Variants in PLOD3 observed in about 807,000 individuals in gnomAD.
PLOD3 encodes procollagen-lysine,2-oxoglutarate 5-dioxygenase 3.
Under a neutral mutation model 96.9 loss-of-function variants are expected in PLOD3, and 73 were observed. The ratio of observed to expected loss-of-function variants is 0.75; its 90% confidence interval spans 0.62 to 0.92. The LOEUF (loss-of-function observed/expected upper bound fraction) is 0.92, where lower values mean the gene tolerates loss of function less well. Among genes scored for constraint, PLOD3 ranks in the 40% least tolerant of loss-of-function variants. The probability of loss-of-function intolerance (pLI) is 0.00; values close to 1 mark genes in which losing one functional copy is unlikely to be tolerated. For synonymous variants in PLOD3, 454 were observed against 413.7 expected (o/e 1.10, Z -1.18); for missense variants, 1,004 against 1,004.3 (o/e 1.00, Z 0.00).
At chr7:101,213,010 C>G (rs1215064237) in intron 7 of PLOD3, 67 bp from the exon 8 acceptor site, 1 of 1,376,138 alleles carries the variant, frequency 7.3e-7, no homozygotes, top group Non-Finnish European at 1.0e-6. Flanking sequence ...TCAGGCACCT[C>G]TGATATGGGG....
chr7:101,207,559 T>C lies in PLOD3; in HGVS notation c.1935+19A>G, dbSNP rs748063631. On this transcript the variant is annotated intron_variant, in intron 17 of 18. Transcript: ENST00000223127. ...GGGGTGGGGAAGGTGGGGAGGCAGCTGGCAGGTGGGCAGCGCACCTTGGTG... is the reference window on the plus strand; with the variant it reads ...GGGGTGGGGAAGGTGGGGAGGCAGCCGGCAGGTGGGCAGCGCACCTTGGTG... 5.0e-6 allele frequency: 8 copies of C among 1,611,026 alleles called. No homozygotes were observed. The South Asian group carries it at 7.7e-5, about 15-fold the overall frequency.
At position 101,208,871 on chromosome 7, in the gene PLOD3, C is replaced by T. The variant is rs761705323; in HGVS notation, c.1770G>A (p.Trp590Ter). Reference protein sequence around the residue: ...LVAEMEHYGQWSGGRHEDSRL... With the variant: ...LVAEMEHYGQ ...CCCTTACCTCATGCCGGCCGCCTGA[C>T]CACTGGCCGTAGTGCTCCATCTCTG... Residue 590 changes from tryptophan (W) to a stop codon, truncating the protein, a stop_gained, in exon 16 of 19, where the codon TGG becomes TGA. Transcript: ENST00000223127. LOFTEE classifies it high-confidence loss of function. 3 of 1,613,276 alleles carry T rather than the reference C, an allele frequency of 1.9e-6. No homozygotes were observed. The highest frequency in any genetic ancestry group is 1.7e-6 in the Non-Finnish European group (2 of 1,179,240).
At chr7:101,214,843 A>C (rs1377213302) in intron 6 of PLOD3, among the ~76,000 whole-genome samples, 1 of 152,216 alleles carries the variant, frequency 6.6e-6, no homozygotes, top group Non-Finnish European at 1.5e-5. Flanking sequence ...TCTCAAAAAA[A>C]AAAGTCCCTG....
At position 101,212,617 on chromosome 7, in the gene PLOD3, C is replaced by G. The variant is rs778953333; in HGVS notation, c.918G>C (p.Gln306His). Residue 306 changes from glutamine (Q) to histidine (H), a missense_variant, in exon 9 of 19, where the codon CAG becomes CAC. Gln to His is a conservative substitution (Grantham distance 24, BLOSUM62 0). Around this residue, in one of 5 missense-constraint regions of PLOD3, gnomAD observed 690 missense variants for 650.2 expected, o/e 1.06. Coordinates refer to ENST00000223127, the MANE Select transcript of PLOD3 (RefSeq NM_001084.5). ...PRVFLAVFVE[Q>H]PTPFLPRFLQ... is the part of the protein sequence containing the mutation. ...GGAAGCGGGGCAGAAACGGAGTAGG[C>G]TGTTCCACAAACACGGCCAGAAACA... 6.2e-7 allele frequency: 1 copy of G among 1,613,876 alleles called. No homozygotes were observed. Among genetic ancestry groups the G allele is most frequent in the Non-Finnish European group, 8.5e-7 (1 of 1,179,896 alleles).
intron 6 of PLOD3, among the ~76,000 whole-genome samples, chr7:101,214,328 G>C (rs552621824): frequency 8.0e-5 from 12 of 149,302 alleles, no homozygotes; most frequent in Non-Finnish European, 1.5e-4. Flanking sequence ...ACGGGTTTTC[G>C]CCATGTTGGC....
chr7:101,207,010 G>A (rs1300912785), intron 17 of PLOD3, 106 bp from the exon 18 acceptor site: 1 of 1,335,182 alleles, frequency 7.5e-7, no homozygotes, highest in East Asian at 2.5e-5. Context: ...TGTCACTCAG[G>A]CTGGAGTGCA....
At chr7:101,210,813 G>T (rs1433958317) in intron 12 of PLOD3, 140 bp from the exon 13 acceptor site, 18 of 842,774 alleles carry the variant, frequency 2.1e-5, no homozygotes, top group Non-Finnish European at 3.2e-5. Context: ...AAGCACTGCT[G>T]GTCCCAACCA....
At chr7:101,209,562 T>C (rs1243636921) in intron 15 of PLOD3, among the ~76,000 whole-genome samples, 1 of 150,558 alleles carries the variant, frequency 6.6e-6, no homozygotes, top group African/African-American at 2.4e-5. Context: ...GTTTTTTTTT[T>C]TTTTTTTTTT....
Position 101,217,410 on chromosome 7 carries a change from G to T in PLOD3, c.-136C>A, listed in dbSNP as rs976801376. On this transcript the variant is annotated 5_prime_UTR_variant, in exon 1 of 19. Coordinates refer to ENST00000223127, the MANE Select transcript of PLOD3 (RefSeq NM_001084.5). ...CCGCCGCGGGGAGCAGCTTGGCTGG[G>T]GCTACGCCCTGAAAAAAAGGCGTAT... 2.3e-6 allele frequency: 2 copies of T among 857,846 alleles called. No homozygotes were observed. The highest frequency in any genetic ancestry group is 3.2e-5 in the East Asian group (1 of 31,366). The allele number at this position is 857,846 out of a possible 1,614,324, so 53.1% of individuals were successfully genotyped here.
Position 101,217,387 on chromosome 7 carries a change from G to T in PLOD3, c.-113C>A. The T allele has an allele frequency of 9.3e-7, 1 of 1,075,432 alleles. No individual in the cohort carries two copies. Among genetic ancestry groups the T allele is most frequent in the Non-Finnish European group, 1.2e-6 (1 of 817,962 alleles). 66.6% of individuals were successfully genotyped at this position (1,075,432 alleles called of 1,614,324 possible). A position where few individuals can be genotyped will look rare whatever the true frequency, so the allele number is the denominator to read the frequency against. ...GGGGCGCTCGGGCTGCTGTGCGGCC[G>T]CCGCGGGGAGCAGCTTGGCTGGGGC... On this transcript the variant is annotated 5_prime_UTR_variant, in exon 1 of 19. Coordinates refer to ENST00000223127, the MANE Select transcript of PLOD3 (RefSeq NM_001084.5).
chr7:101,206,738 C>T lies in PLOD3; in HGVS notation c.2061+41G>A, dbSNP rs111877226. ...GGGCTCTAGGTGGGGACCCGAGGGT[C>T]CTGAGGTGAAGCGTGGGTGGGTAGT... On this transcript the variant is annotated intron_variant, in intron 18 of 18. Coordinates refer to ENST00000223127, the MANE Select transcript of PLOD3 (RefSeq NM_001084.5). The T allele has an allele frequency of 6.4e-6, 10 of 1,565,836 alleles. No individual in the cohort carries two copies. In the African/African-American group the frequency reaches 6.8e-5, roughly 11 times the overall value.
intron 12 of PLOD3, chr7:101,211,092 G>C (rs1459553791): frequency 1.3e-5 from 3 of 234,650 alleles, no homozygotes; most frequent in African/African-American, 6.8e-5. Flanking sequence ...TGTTGGCCAG[G>C]CTGGTCTCGA....
chr7:101,206,628 C>T (rs1798089118), intron 18 of PLOD3, 151 bp downstream of exon 18: 5 of 1,044,158 alleles, frequency 4.8e-6, no homozygotes, highest in Non-Finnish European at 7.1e-6. Context: ...GAAGCAGAGG[C>T]CGCCTGCCCA....
chr7:101,206,437 C>T lies in PLOD3; in HGVS notation c.2062-1G>A. 1 of 1,597,140 alleles carries T rather than the reference C, an allele frequency of 6.3e-7. No individual in the cohort carries two copies. The highest frequency in any genetic ancestry group is 8.5e-7 in the Non-Finnish European group (1 of 1,172,426). On this transcript the variant is annotated splice_acceptor_variant, in intron 18 of 18. Coordinates refer to ENST00000223127, the MANE Select transcript of PLOD3 (RefSeq NM_001084.5). LOFTEE classifies it high-confidence loss of function. ...AGCGCAGGAAGCGGCAGCCACCTCC[C>T]TGGAAAGAGAAGGGAAAGGAAACAT...
In PLOD3 at chr7:101,210,101, C is replaced by T. The variant is rs746812876; in HGVS notation, c.1675G>A (p.Val559Met). ...YSRALEGEGI[V>M]EQPCPDVYWF... ...AGGCTGCGTGGGCTCACCTGCTCCACGATTCCTTCCCCTTCCAGGGCCCGG... is the reference window on the plus strand; with the variant it reads ...AGGCTGCGTGGGCTCACCTGCTCCATGATTCCTTCCCCTTCCAGGGCCCGG... The change falls in exon 15 of 19, where the codon GTG (valine) becomes ATG (methionine). Residue 559 changes from valine to methionine, a missense_variant. Val to Met is a conservative substitution (Grantham distance 21). Coordinates refer to ENST00000223127, the MANE Select transcript of PLOD3 (RefSeq NM_001084.5). The T allele has an allele frequency of 5.4e-5, 87 of 1,596,388 alleles. No homozygotes were observed. The highest frequency in any genetic ancestry group is 1.7e-4 in the Middle Eastern group (1 of 5,994).
At chr7:101,211,266 A>T (rs1353352864) in intron 12 of PLOD3, 1 of 286,850 alleles carries the variant, frequency 3.5e-6, no homozygotes, top group Non-Finnish European at 6.6e-6. Flanking sequence ...TGCAGCCTCA[A>T]CCTCCCAAGT....
intron 16 of PLOD3, chr7:101,208,496 C>T (rs150814238): frequency 0.047 from 16,435 of 349,140 alleles, 513 homozygotes; most frequent in East Asian, 0.078. Context: ...CTGCCTCGGC[C>T]TCCCAAAGTG....
At chr7:101,213,034 A>G (rs914778547) in intron 7 of PLOD3, 73 bp downstream of exon 7, 6 of 1,165,670 alleles carry the variant, frequency 5.1e-6, no homozygotes, top group Non-Finnish European at 7.3e-6. Context: ...GGGAAGGGCC[A>G]GCTTCTCAGA....
intron 18 of PLOD3, 30 bp downstream of exon 18, chr7:101,206,749 G>A: frequency 6.4e-7 from 1 of 1,571,406 alleles, no homozygotes; most frequent in Non-Finnish European, 8.6e-7. Context: ...CTGAGGTGAA[G>A]CGTGGGTGGG....
Sources: gnomAD v4.1 joint callset for allele counts (sites outside exome capture counted in the v4.1 genomes callset) on GRCh38, gnomAD v4.1.1 for gene constraint, gnomAD v4.1.1 regional missense constraint, MANE v1.5 for transcripts, NCBI Gene and HGNC (gene_info 2026-07-23, HGNC 2026-07-21) for gene names.